The following PRKAR1B variants were observed in gnomAD, a reference collection of about 807,000 sequenced individuals.
PRKAR1B encodes the protein protein kinase cAMP-dependent type I regulatory subunit beta.
A neutral mutation model predicts 46.5 loss-of-function variants in PRKAR1B; 22 were observed. The observed-to-expected ratio is 0.47, with a 90% CI of 0.34 to 0.68. PRKAR1B has a LOEUF of 0.68. Among genes scored for constraint, PRKAR1B ranks in the 30% least tolerant of loss-of-function variants. The pLI is 0.01. For synonymous variants in PRKAR1B, 259 were observed against 217.7 expected (o/e 1.19, Z -1.67); for missense variants, 445 against 535.6 (o/e 0.83, Z 1.67).
At chr7:565,582 G>A in intron 9 of PRKAR1B, 1 of 152,210 alleles carries the variant, frequency 6.6e-6, no homozygotes, top group Non-Finnish European at 1.5e-5. Context: ...GAAGAGCTGA[G>A]CAAAAGGTGA....
intron 4 of PRKAR1B, among the ~76,000 whole-genome samples, chr7:614,189 T>G (rs148431121): frequency 6.6e-6 from 1 of 152,212 alleles, no homozygotes; most frequent in African/African-American, 2.4e-5. Context: ...GTCCATAGTC[T>G]GGCTACATCT....
chr7:579,017 C>G, intron 9 of PRKAR1B: 1 of 985,266 alleles, frequency 1.0e-6, no homozygotes, highest in Non-Finnish European at 1.2e-6. Context: ...GCAGCTCAGG[C>G]ACCAGCCACC....
chr7:725,141 G>A (rs181766890), intron 1 of PRKAR1B, among the ~76,000 whole-genome samples: 10 of 151,590 alleles, frequency 6.6e-5, no homozygotes, highest in Non-Finnish European at 1.3e-4. Flanking sequence ...ATGAACCTGG[G>A]AGGCAGAGTC....
intron 3 of PRKAR1B, among the ~76,000 whole-genome samples, chr7:678,649 AG>A (rs1485933749): frequency 2.0e-5 from 3 of 152,278 alleles, no homozygotes; most frequent in Admixed American, 2.0e-4. Flanking sequence ...CCACCCAGGA[AG>A]TCCCTGTCTG....
intron 4 of PRKAR1B, among the ~76,000 whole-genome samples, chr7:643,828 C>T (rs1427126859): frequency 1.3e-5 from 2 of 152,272 alleles, no homozygotes; most frequent in Non-Finnish European, 2.9e-5. Flanking sequence ...GGAGCTCAAG[C>T]CCCCGTGAGG....
intron 9 of PRKAR1B, among the ~76,000 whole-genome samples, chr7:556,701 C>G (rs908744346): frequency 6.6e-6 from 1 of 152,136 alleles, no homozygotes; most frequent in African/African-American, 2.4e-5. Flanking sequence ...GCCTGTGGAT[C>G]GGGAACAGTT....
At chr7:718,655 C>T (rs1324040261) in intron 1 of PRKAR1B, among the ~76,000 whole-genome samples, 1 of 152,058 alleles carries the variant, frequency 6.6e-6, no homozygotes, top group Non-Finnish European at 1.5e-5. Flanking sequence ...CTGCACCTGA[C>T]CTGACCCATT....
chr7:706,078 C>T (rs1269328919), intron 2 of PRKAR1B, among the ~76,000 whole-genome samples: 2 of 152,146 alleles, frequency 1.3e-5, no homozygotes, highest in African/African-American at 4.8e-5. Flanking sequence ...ATAACCCCAG[C>T]ACTTTGGGAA....
chr7:608,756 G>GC (rs1487419121), intron 4 of PRKAR1B, among the ~76,000 whole-genome samples: 22 of 108,076 alleles, frequency 2.0e-4, no homozygotes, highest in African/African-American at 8.5e-4. Flanking sequence ...TGTAGGGAAG[G>GC]CTGGGGGGCC....
At chr7:635,942 A>T (rs1227998806) in intron 4 of PRKAR1B, among the ~76,000 whole-genome samples, 1 of 138,604 alleles carries the variant, frequency 7.2e-6, no homozygotes, top group Admixed American at 7.5e-5. Context: ...CCGCGCCCAC[A>T]CATCCTCCAC....
intron 9 of PRKAR1B, among the ~76,000 whole-genome samples, chr7:552,740 T>TG (rs1235164585): frequency 6.6e-6 from 1 of 152,182 alleles, no homozygotes; most frequent in Admixed American, 6.5e-5. Context: ...GGACCTTCCC[T>TG]GGGGGTCGGT....
Position 573,264 on chromosome 7 carries a change from G to A in PRKAR1B, c.891+5992C>T, listed in dbSNP as rs570455747. 1.2e-3 allele frequency among the ~76,000 whole-genome samples: 186 copies of A among 152,308 alleles called. 1 individual carries two copies. Among genetic ancestry groups the A allele is most frequent in the African/African-American group, 4.3e-3 (178 of 41,574 alleles). ...CGCTATGAAAGCGATACCTTCCCTC[G>A]GGTTGAGTTTCGTCCCGGAGGACGT... is the stretch of plus-strand genomic sequence containing the variant. On this transcript the variant is annotated intron_variant, in intron 9 of 10. Coordinates refer to ENST00000537384, the MANE Select transcript of PRKAR1B (RefSeq NM_001164760.2).
intron 8 of PRKAR1B, among the ~76,000 whole-genome samples, chr7:583,663 C>T (rs1418954542): frequency 1.4e-5 from 2 of 146,532 alleles, no homozygotes; most frequent in African/African-American, 2.7e-5. Context: ...CCCATGCGCA[C>T]ACACCCACAC....
chr7:576,937 C>T (rs1779868329), intron 9 of PRKAR1B, among the ~76,000 whole-genome samples: 3 of 151,730 alleles, frequency 2.0e-5, no homozygotes, highest in Admixed American at 1.3e-4. Flanking sequence ...GCCTGTGTTC[C>T]AGCGGTGGTG....
intron 4 of PRKAR1B, among the ~76,000 whole-genome samples, chr7:641,045 C>T (rs1784360754): frequency 1.3e-5 from 2 of 152,054 alleles, no homozygotes; most frequent in African/African-American, 2.4e-5. Flanking sequence ...CTCCGCCTCC[C>T]GGGTTCACGC....
At chr7:576,760 G>A (rs1779858173) in intron 9 of PRKAR1B, among the ~76,000 whole-genome samples, 1 of 151,812 alleles carries the variant, frequency 6.6e-6, no homozygotes, top group South Asian at 2.1e-4. Context: ...CTTTCCTTAT[G>A]GTAGAGCCGC....
At chr7:661,826 G>A (rs1444509185) in intron 4 of PRKAR1B, among the ~76,000 whole-genome samples, 12 of 29,606 alleles carry the variant, frequency 4.1e-4, no homozygotes, top group African/African-American at 5.4e-4. Context: ...CCACCCCAAC[G>A]GGTCCAAATA....
chr7:635,396 A>G (rs551654389), intron 4 of PRKAR1B, among the ~76,000 whole-genome samples: 24 of 152,218 alleles, frequency 1.6e-4, no homozygotes, highest in African/African-American at 5.5e-4. Context: ...CAGGGGTCAG[A>G]GCAGCAGGCC....
chr7:588,181 C>T (rs1583254733), intron 7 of PRKAR1B, among the ~76,000 whole-genome samples: 1 of 152,194 alleles, frequency 6.6e-6, no homozygotes, highest in Non-Finnish European at 1.5e-5. Context: ...GTGGCTTGAG[C>T]CCAACTTCCA....
Sources: gnomAD v4.1 joint callset for allele counts (sites outside exome capture counted in the v4.1 genomes callset) on GRCh38, gnomAD v4.1.1 for gene constraint, MANE v1.5 for transcripts, NCBI Gene and HGNC (gene_info 2026-07-23, HGNC 2026-07-21) for gene names.